EYS: variants seen among roughly 807,000 people sequenced by gnomAD.
EYS encodes protein eyes shut homolog.
EYS carries 250 observed loss-of-function variants against 282.1 expected under a neutral mutation model. That is an observed-to-expected ratio of 0.89 (90% CI 0.80 to 0.98). EYS has a LOEUF of 0.98. Among genes scored for constraint, EYS ranks in the 50% least tolerant of loss-of-function variants. The pLI is 0.00. For missense variants in EYS, 4,016 were observed against 3,709.0 expected (o/e 1.08, Z -2.15); for synonymous variants, 1,355 against 1,282.9 (o/e 1.06, Z -1.20).
intron 26 of EYS, among the ~76,000 whole-genome samples, chr6:64,553,637 T>G (rs535827339): frequency 8.1e-4 from 114 of 140,726 alleles, no homozygotes; most frequent in Middle Eastern, 4.2e-3. Context: ...TTAAATAGCA[T>G]AAGGTGCCTT....
intron 14 of EYS, among the ~76,000 whole-genome samples, chr6:64,976,980 C>A (rs1770492741): frequency 6.6e-6 from 1 of 151,914 alleles, no homozygotes. Context: ...GCAACCTCTG[C>A]CTCCTGGGTT....
At chr6:64,608,595 C>CA (rs1275019752) in intron 24 of EYS, among the ~76,000 whole-genome samples, 1 of 151,964 alleles carries the variant, frequency 6.6e-6, no homozygotes, top group Non-Finnish European at 1.5e-5. Context: ...CATGTTCACA[C>CA]AAAAAACTCC....
intron 36 of EYS, among the ~76,000 whole-genome samples, chr6:63,811,922 C>G (rs923315493): frequency 6.6e-6 from 1 of 152,118 alleles, no homozygotes; most frequent in Non-Finnish European, 1.5e-5. Context: ...ATTACACTGC[C>G]GCTTTTCACT....
intron 12 of EYS, among the ~76,000 whole-genome samples, chr6:65,252,750 C>A (rs1165932121): frequency 6.6e-6 from 1 of 151,480 alleles, no homozygotes; most frequent in Non-Finnish European, 1.5e-5. Context: ...AAAGTCTCAG[C>A]AAATAGATAA....
chr6:64,346,719 A>G (rs1159377124), intron 29 of EYS, among the ~76,000 whole-genome samples: 1 of 151,536 alleles, frequency 6.6e-6, no homozygotes, highest in Non-Finnish European at 1.5e-5. Flanking sequence ...AAAATTAAAC[A>G]AAACAAAACA....
intron 29 of EYS, among the ~76,000 whole-genome samples, chr6:64,368,700 G>T (rs111644724): frequency 6.6e-6 from 1 of 151,984 alleles, no homozygotes; most frequent in Non-Finnish European, 1.5e-5. Context: ...GCCCACATGT[G>T]TGTCTTCTTT....
chr6:64,055,049 A>G (rs1770934694), intron 33 of EYS, among the ~76,000 whole-genome samples: 1 of 152,168 alleles, frequency 6.6e-6, no homozygotes. Context: ...TTACTGTAGT[A>G]CAGATGAGAG....
intron 21 of EYS, among the ~76,000 whole-genome samples, chr6:64,818,524 G>C (rs143776679): frequency 6.6e-6 from 1 of 152,100 alleles, no homozygotes; most frequent in African/African-American, 2.4e-5. Context: ...GCCAGTCCGA[G>C]TCCCAAAACC....
intron 12 of EYS, among the ~76,000 whole-genome samples, chr6:65,058,856 T>A (rs1011798995): frequency 7.2e-6 from 1 of 138,692 alleles, no homozygotes; most frequent in African/African-American, 2.5e-5. Context: ...ATAACAATAA[T>A]AGAAAATTGA....
chr6:65,220,374 G>T (rs2150258661), intron 12 of EYS, among the ~76,000 whole-genome samples: 1 of 152,238 alleles, frequency 6.6e-6, no homozygotes. Context: ...AACCCAGTGG[G>T]TGGTAATTGA....
intron 12 of EYS, among the ~76,000 whole-genome samples, chr6:65,094,436 C>T (rs1232519375): frequency 6.7e-6 from 1 of 148,376 alleles, no homozygotes; most frequent in African/African-American, 2.5e-5. Context: ...TGTTTTTAAA[C>T]ATGCACAGAA....
chr6:64,342,259 T>C (rs954516106), intron 29 of EYS, among the ~76,000 whole-genome samples: 19 of 151,698 alleles, frequency 1.3e-4, no homozygotes, highest in African/African-American at 4.6e-4. Flanking sequence ...CACACATCTC[T>C]AGTGGGTTCT....
chr6:64,282,979 C>G (rs1329941663), intron 30 of EYS, among the ~76,000 whole-genome samples: 2 of 151,344 alleles, frequency 1.3e-5, no homozygotes, highest in Non-Finnish European at 3.0e-5. Context: ...CTGCTCAAAA[C>G]TCTGTTTCCC....
intron 27 of EYS, among the ~76,000 whole-genome samples, chr6:64,437,764 A>C (rs1294232824): frequency 6.7e-6 from 1 of 148,820 alleles, no homozygotes; most frequent in East Asian, 2.0e-4. Flanking sequence ...TTTTGGCTCT[A>C]TCTCCCAGGC....
chr6:65,508,547 G>A (rs930768039), intron 2 of EYS, among the ~76,000 whole-genome samples: 8 of 151,416 alleles, frequency 5.3e-5, no homozygotes, highest in African/African-American at 1.5e-4. Context: ...GGTGGCAGGC[G>A]CCTGTAGTCC....
chr6:64,590,986 T>C lies in EYS; in HGVS notation c.4881A>G (p.Pro1627=), dbSNP rs1181834932. 1 of 1,551,324 alleles carries C rather than the reference T, an allele frequency of 6.4e-7. No individual in the cohort carries two copies. Among genetic ancestry groups the C allele is most frequent in the Non-Finnish European group, 8.7e-7 (1 of 1,146,776 alleles). The change falls in exon 26 of 43, where the codon CCA becomes CCG. Residue 1627 remains proline, a synonymous_variant. Coordinates refer to ENST00000503581, the MANE Select transcript of EYS (RefSeq NM_001142800.2). ...ITPSVAFTEV[P]SLFPSKKSAK... is the part of the protein sequence containing the mutation. ...CACTCTTTTTAGAAGGAAATAAAGATGGCACTTCTGTGAATGCCACTGATG... is the reference window on the plus strand; with the variant it reads ...CACTCTTTTTAGAAGGAAATAAAGACGGCACTTCTGTGAATGCCACTGATG...
At chr6:64,520,750 C>T (rs1442763483) in intron 26 of EYS, among the ~76,000 whole-genome samples, 1 of 151,642 alleles carries the variant, frequency 6.6e-6, no homozygotes, top group African/African-American at 2.4e-5. Flanking sequence ...AACCACTTAG[C>T]TTTGCTACGG....
intron 35 of EYS, among the ~76,000 whole-genome samples, chr6:63,903,983 C>A (rs550990822): frequency 1.6e-4 from 25 of 152,276 alleles, no homozygotes; most frequent in Non-Finnish European, 2.9e-4. Flanking sequence ...TACATATAGC[C>A]CTCCTCCTGC....
At chr6:65,230,441 T>C (rs930612004) in intron 12 of EYS, among the ~76,000 whole-genome samples, 3 of 151,942 alleles carry the variant, frequency 2.0e-5, no homozygotes, top group Non-Finnish European at 4.4e-5. Context: ...ACAATTAGTT[T>C]TCCCCCCAGA....
Sources: allele counts gnomAD v4.1 joint callset (sites outside exome capture counted in the v4.1 genomes callset), GRCh38; gene constraint gnomAD v4.1.1; transcripts MANE v1.5; gene names NCBI Gene and HGNC (gene_info 2026-07-23, HGNC 2026-07-21).